Variants in LYZ observed in about 807,000 individuals in gnomAD.
The protein encoded by LYZ is lysozyme, also known as lysozyme C.
A neutral mutation model predicts 15.8 loss-of-function variants in LYZ; 18 were observed. The observed-to-expected ratio is 1.14, with a 90% confidence interval of 0.79 to 1.69. The LOEUF (loss-of-function observed/expected upper bound fraction) is 1.69, where lower values mean the gene tolerates loss of function less well. Ranked by LOEUF, LYZ falls within the 40% of genes most tolerant of loss-of-function variation. LYZ has a pLI of 0.00. For synonymous variants in LYZ, 60 were observed against 61.7 expected (o/e 0.97, Z 0.13); for missense variants, 139 against 182.8 (o/e 0.76, Z 1.38).
At chr12:69,349,482 A>G (rs1874794019) in intron 1 of LYZ, among the ~76,000 whole-genome samples, 1 of 152,160 alleles carries the variant, frequency 6.6e-6, no homozygotes, top group African/African-American at 2.4e-5. Flanking sequence ...CTCCCACACA[A>G]TTCAAGATGT....
intron 1 of LYZ, among the ~76,000 whole-genome samples, chr12:69,349,628 A>G (rs1688576315): frequency 6.6e-6 from 1 of 152,198 alleles, no homozygotes; most frequent in African/African-American, 2.4e-5. Context: ...AAATCACGGA[A>G]TAGTCTTGTT....
intron 3 of LYZ, among the ~76,000 whole-genome samples, 177 bp from the exon 4 acceptor site, chr12:69,352,976 G>C (rs1223640361): frequency 6.6e-6 from 1 of 152,178 alleles, no homozygotes; most frequent in African/African-American, 2.4e-5. Context: ...TGAGAAATTT[G>C]GGTAGGAGTG....
intron 2 of LYZ, among the ~76,000 whole-genome samples, chr12:69,351,653 T>G (rs1213455997): frequency 3.9e-5 from 6 of 152,156 alleles, no homozygotes; most frequent in Admixed American, 3.3e-4. Flanking sequence ...TCACACAAAA[T>G]TATTTGCATG....
chr12:69,349,680 T>A (rs1464950415), intron 1 of LYZ, among the ~76,000 whole-genome samples: 1 of 152,176 alleles, frequency 6.6e-6, no homozygotes, highest in Non-Finnish European at 1.5e-5. Context: ...CTTTAGATAT[T>A]ATAAGAAAAT....
At chr12:69,352,144 A>G (rs1048506648) in intron 2 of LYZ, 76 bp from the exon 3 acceptor site, 2 of 958,276 alleles carry the variant, frequency 2.1e-6, no homozygotes, top group Admixed American at 1.9e-5. Context: ...ACAGCCTAAC[A>G]GAAAAAAGCT....
intron 2 of LYZ, among the ~76,000 whole-genome samples, 193 bp from the exon 3 acceptor site, chr12:69,352,027 A>C (rs596526): frequency 0.11 from 16,172 of 152,212 alleles, 1,789 homozygotes; most frequent in African/African-American, 0.28. Flanking sequence ...TGGTAAATGA[A>C]GAAAAAAATG....
At position 69,350,221 on chromosome 12, in the gene LYZ, A is replaced by G; in HGVS notation, c.250A>G (p.Asn84Asp). 6.2e-7 allele frequency: 1 copy of G among 1,614,164 alleles called. No homozygotes were observed. The highest frequency in any genetic ancestry group is 8.5e-7 in the Non-Finnish European group (1 of 1,180,000). The change falls in exon 2 of 4, where the codon AAT becomes GAT. Residue 84 changes from asparagine to aspartate, a missense_variant. By Grantham distance (23) the Asn-to-Asp change is conservative. Transcript: ENST00000261267. ...IFQINSRYWCNDGKTPGAVNA... is the reference protein window; with the variant it reads ...IFQINSRYWCDDGKTPGAVNA... ...TCAGATCAATAGCCGCTACTGGTGT[A>G]ATGATGGCAAAACCCCAGGAGCAGT...
In LYZ at chr12:69,348,557, T is replaced by C; in HGVS notation, c.136+13T>C. ...AGCCTAGCAAACTGTAAGTCTACTC[T>C]CCATAATTCCAGAGAATTAGCTACG... On this transcript the variant is annotated intron_variant, in intron 1 of 3. Transcript: ENST00000261267. The C allele has an allele frequency of 1.9e-6, 3 of 1,614,084 alleles. No homozygotes were observed. Among genetic ancestry groups the C allele is most frequent in the Non-Finnish European group, 2.5e-6 (3 of 1,179,962 alleles).
chr12:69,351,182 C>T (rs1170499724), intron 2 of LYZ, among the ~76,000 whole-genome samples: 1 of 151,998 alleles, frequency 6.6e-6, no homozygotes, highest in African/African-American at 2.4e-5. Context: ...TTGTAAATAA[C>T]AAATTAACTT....
Position 69,353,663 on chromosome 12 carries a change from T to C in LYZ, c.*444T>C, listed in dbSNP as rs1725307824. 3 of 230,950 alleles carry C rather than the reference T, an allele frequency of 1.3e-5. No individual in the cohort carries two copies. Among genetic ancestry groups the C allele is most frequent in the African/African-American group, 4.7e-5 (2 of 42,546 alleles). The allele number at this position is 230,950 out of a possible 1,614,324, so 14.3% of individuals were successfully genotyped here. Reference sequence around the variant, plus strand: ...GCCACCACGCCCGGCTAATTTTTTGTATTTTTAGTAGAGACAGGGTTTCAC... The same window carrying C: ...GCCACCACGCCCGGCTAATTTTTTGCATTTTTAGTAGAGACAGGGTTTCAC... On this transcript the variant is annotated 3_prime_UTR_variant, in exon 4 of 4. Coordinates refer to ENST00000261267, the MANE Select transcript of LYZ (RefSeq NM_000239.3).
chr12:69,352,380 GT>G, intron 3 of LYZ, 82 bp downstream of exon 3: 1 of 1,089,384 alleles, frequency 9.2e-7, no homozygotes, highest in Non-Finnish European at 1.4e-6. Flanking sequence ...AAAGACCAAA[GT>G]ATGCTAATGA....
At chr12:69,351,016 C>T (rs1228214896) in intron 2 of LYZ, among the ~76,000 whole-genome samples, 15 of 151,952 alleles carry the variant, frequency 9.9e-5, no homozygotes, top group Non-Finnish European at 2.2e-4. Flanking sequence ...AGCAATCTTC[C>T]CACCTCAGCC....
At chr12:69,348,606 A>C in intron 1 of LYZ, 62 bp downstream of exon 1, 1 of 1,589,044 alleles carries the variant, frequency 6.3e-7, no homozygotes, top group Admixed American at 1.7e-5. Flanking sequence ...CTAGGAGAGA[A>C]GGAAGAAGAA....
chr12:69,348,607 GGAA>G (rs745320958), intron 1 of LYZ, 63 bp downstream of exon 1: 86 of 1,588,476 alleles, frequency 5.4e-5, no homozygotes, highest in Non-Finnish European at 6.7e-5. Context: ...TAGGAGAGAA[GGAA>G]GAAGAAGAAG....
chr12:69,348,537 A>C lies in LYZ; in HGVS notation c.129A>C (p.Leu43=). 1 of 1,614,236 alleles carries C rather than the reference A, an allele frequency of 6.2e-7. No homozygotes were observed. The highest frequency in any genetic ancestry group is 1.7e-5 in the Admixed American group (1 of 60,032). Residue 43 remains leucine, a synonymous_variant, in exon 1 of 4, where the codon CTA becomes CTC. Coordinates refer to ENST00000261267, the MANE Select transcript of LYZ (RefSeq NM_000239.3). ...LGMDGYRGIS[L]ANWMCLAKWE... is the part of the protein sequence containing the mutation. ...TGGATGGCTACAGGGGAATCAGCCT[A>C]GCAAACTGTAAGTCTACTCTCCATA... is the stretch of plus-strand genomic sequence containing the variant.
chr12:69,353,429 T>G lies in LYZ; in HGVS notation c.*210T>G, dbSNP rs558145886. ...CCTACAACATTTTTCAGTTTGCAAA[T>G]AGAACTAATACTGGTGAAAATTTAC... On this transcript the variant is annotated 3_prime_UTR_variant, in exon 4 of 4. Coordinates refer to ENST00000261267, the MANE Select transcript of LYZ (RefSeq NM_000239.3). 8.0e-6 allele frequency: 5 copies of G among 625,362 alleles called. No homozygotes were observed. The highest frequency in any genetic ancestry group is 1.4e-5 in the Non-Finnish European group (5 of 349,746). The allele number at this position is 625,362 out of a possible 1,614,324, so 38.7% of individuals were successfully genotyped here.
At chr12:69,350,899 A>G (rs1033715206) in intron 2 of LYZ, among the ~76,000 whole-genome samples, 4 of 151,564 alleles carry the variant, frequency 2.6e-5, no homozygotes, top group African/African-American at 9.7e-5. Flanking sequence ...ACAGCCTCCC[A>G]AGTAGCTGGG....
intron 2 of LYZ, 51 bp downstream of exon 2, chr12:69,350,323 A>G (rs1213773480): frequency 6.3e-7 from 1 of 1,593,972 alleles, no homozygotes; most frequent in Non-Finnish European, 8.6e-7. Flanking sequence ...AAGAATTGAG[A>G]CTCAATACAA....
intron 1 of LYZ, among the ~76,000 whole-genome samples, chr12:69,348,825 C>T (rs1808113049): frequency 6.6e-6 from 1 of 152,032 alleles, no homozygotes; most frequent in African/African-American, 2.4e-5. Flanking sequence ...TTCAATGGCA[C>T]ATGTAAGCTG....
Sources: allele counts gnomAD v4.1 joint callset (sites outside exome capture counted in the v4.1 genomes callset), GRCh38; gene constraint gnomAD v4.1.1; transcripts MANE v1.5; gene names NCBI Gene and HGNC (gene_info 2026-07-23, HGNC 2026-07-21).